ENTPD1: variants seen among roughly 807,000 people sequenced by gnomAD.
ENTPD1 encodes the protein ectonucleoside triphosphate diphosphohydrolase 1.
ENTPD1 carries 33 observed loss-of-function variants against 57.0 expected under a neutral mutation model. The ratio of observed to expected loss-of-function variants is 0.58; its 90% confidence interval spans 0.44 to 0.77. ENTPD1 has a LOEUF of 0.77. Among genes scored for constraint, ENTPD1 ranks in the 30% least tolerant of loss-of-function variants. The pLI is 0.00. For missense variants in ENTPD1, 501 were observed against 603.4 expected, an observed-to-expected ratio of 0.83 and a Z score of 1.78; for synonymous variants, 202 against 218.8, an observed-to-expected ratio of 0.92 and a Z score of 0.68.
intron 1 of ENTPD1, among the ~76,000 whole-genome samples, chr10:95,816,849 G>A (rs953032092): frequency 5.9e-5 from 9 of 152,170 alleles, no homozygotes; most frequent in Non-Finnish European, 1.0e-4. Context: ...ATAGTATTAC[G>A]TGCACCTTAT....
chr10:95,874,586 C>T lies in ENTPD1; in HGVS notation c.*8203C>T, dbSNP rs1003245013. Among the ~76,000 whole-genome samples, 3 of 152,152 alleles carry T rather than the reference C, an allele frequency of 2.0e-5. No individual in the cohort carries two copies. Among genetic ancestry groups the T allele is most frequent in the Admixed American group, 6.5e-5 (1 of 15,270 alleles). ...TGGGGTCTACCATTCTGGGGTCTACCGTTCTGGGACTGTGGCCTTCTTCTC... is the reference window on the plus strand; with the variant it reads ...TGGGGTCTACCATTCTGGGGTCTACTGTTCTGGGACTGTGGCCTTCTTCTC... On this transcript the variant is annotated 3_prime_UTR_variant, in exon 10 of 10. Coordinates refer to ENST00000371205, the MANE Select transcript of ENTPD1 (RefSeq NM_001776.6).
At chr10:95,856,345 A>G (rs1266986221) in intron 7 of ENTPD1, among the ~76,000 whole-genome samples, 1 of 152,210 alleles carries the variant, frequency 6.6e-6, no homozygotes, top group Non-Finnish European at 1.5e-5. Context: ...AAAAAATAAT[A>G]GATGTTGGCA....
At chr10:95,721,181 C>T (rs1486737709) in intron 1 of ENTPD1, among the ~76,000 whole-genome samples, 1 of 152,190 alleles carries the variant, frequency 6.6e-6, no homozygotes, top group East Asian at 1.9e-4. Context: ...GGATTTTCTT[C>T]CTTTCCCTGT....
Position 95,823,257 on chromosome 10 carries a change from T to G in ENTPD1, c.37T>G (p.Cys13Gly), listed in dbSNP as rs2098360406. ...TTTAGAGTCTAACGTGAAGACATTT[T>G]GCTCCAAGAATATCCTAGCCATCCT... is the stretch of plus-strand genomic sequence containing the variant. ...DTKESNVKTF[C>G]SKNILAILGF... The change falls in exon 2 of 10, where the codon TGC (cysteine) becomes GGC (glycine). Residue 13 changes from cysteine to glycine, a missense_variant. Coordinates refer to ENST00000371205, the MANE Select transcript of ENTPD1 (RefSeq NM_001776.6). 1 of 1,614,070 alleles carries G rather than the reference T, an allele frequency of 6.2e-7. No homozygotes were observed. The highest frequency in any genetic ancestry group is 8.5e-7 in the Non-Finnish European group (1 of 1,180,014).
chr10:95,858,774 T>C (rs1409134797), intron 7 of ENTPD1, among the ~76,000 whole-genome samples: 3 of 152,170 alleles, frequency 2.0e-5, no homozygotes, highest in Non-Finnish European at 4.4e-5. Flanking sequence ...CCATTGCTCA[T>C]AGGGGAAATT....
chr10:95,707,201 C>T (rs1008748217), upstream of ENTPD1, among the ~76,000 whole-genome samples: 4 of 152,264 alleles, frequency 2.6e-5, no homozygotes. Context: ...CCCGGGAGGG[C>T]AGATCCTGCC....
chr10:95,862,221 C>G (rs1226119904), intron 8 of ENTPD1, among the ~76,000 whole-genome samples: 1 of 152,136 alleles, frequency 6.6e-6, no homozygotes, highest in Non-Finnish European at 1.5e-5. Flanking sequence ...CAGGGTTAGA[C>G]CCCTGTCTTC....
chr10:95,706,435 T>A, the ENTPD1 span, among the ~76,000 whole-genome samples: 1 of 152,228 alleles, frequency 6.6e-6, no homozygotes, highest in East Asian at 1.9e-4. Context: ...CTGCAGATCC[T>A]CCAGTCAAGT....
chr10:95,870,448 A>ATT lies in ENTPD1; in HGVS notation c.*4073_*4074dup. The ATT allele has an allele frequency of 1.2e-5, 8 of 684,534 alleles. No individual in the cohort carries two copies. Among genetic ancestry groups the ATT allele is most frequent in the Non-Finnish European group, 1.3e-5 (7 of 556,356 alleles). The allele number at this position is 684,534 out of a possible 1,614,324, so 42.4% of individuals were successfully genotyped here. ...CAGGTGTGCACCACCATGTCTAGCTATTTTTTTTTCTGTAGAGACAGGGTT... is the reference window on the plus strand; with the variant it reads ...CAGGTGTGCACCACCATGTCTAGCTATTTTTTTTTTTCTGTAGAGACAGGGTT... On this transcript the variant is annotated 3_prime_UTR_variant, in exon 10 of 10. Coordinates refer to ENST00000371205, the MANE Select transcript of ENTPD1 (RefSeq NM_001776.6).
Position 95,869,353 on chromosome 10 carries a change from A to T in ENTPD1, c.*2970A>T. On this transcript the variant is annotated 3_prime_UTR_variant, in exon 10 of 10. Coordinates refer to ENST00000371205, the MANE Select transcript of ENTPD1 (RefSeq NM_001776.6). ...CAACCTCCGCCTCCTGGGTTCAAGC[A>T]ATTCTCCTGCCTCAGCCTCCCGAGT... The T allele has an allele frequency of 2.5e-6, 2 of 787,764 alleles. No individual in the cohort carries two copies. Among genetic ancestry groups the T allele is most frequent in the Non-Finnish European group, 3.1e-6 (2 of 652,562 alleles). 48.8% of individuals were successfully genotyped at this position (787,764 alleles called of 1,614,324 possible).
chr10:95,787,443 G>T (rs1188761332), intron 1 of ENTPD1, among the ~76,000 whole-genome samples: 1 of 152,124 alleles, frequency 6.6e-6, no homozygotes, highest in Non-Finnish European at 1.5e-5. Flanking sequence ...AGGAAGGAGA[G>T]GGGATGTTAA....
intron 1 of ENTPD1, among the ~76,000 whole-genome samples, chr10:95,744,012 A>ATATATG (rs1172213604): frequency 1.7e-5 from 2 of 120,252 alleles, no homozygotes; most frequent in Non-Finnish European, 3.6e-5. Flanking sequence ...ATATATATAT[A>ATATATG]TATATATATA....
Position 95,756,416 on chromosome 10 carries a change from T to C in ENTPD1, c.16+161T>C, listed in dbSNP as rs2098024557. Reference sequence around the variant, plus strand: ...CTGAGAGGAGGCAGAGAAAGAGCTTTGGGAAACTTTTTAGGAAGCAGAGTC... The same window carrying C: ...CTGAGAGGAGGCAGAGAAAGAGCTTCGGGAAACTTTTTAGGAAGCAGAGTC... On this transcript the variant is annotated intron_variant, in intron 1 of 9. Coordinates refer to ENST00000371205, the MANE Select transcript of ENTPD1 (RefSeq NM_001776.6). The C allele has an allele frequency of 3.5e-6, 3 of 855,680 alleles. No homozygotes were observed. The East Asian group carries it at 8.0e-5, about 23-fold the overall frequency. The allele number at this position is 855,680 out of a possible 1,614,324, so 53.0% of individuals were successfully genotyped here.
chr10:95,788,063 A>G (rs2098187690), intron 1 of ENTPD1, among the ~76,000 whole-genome samples: 1 of 152,222 alleles, frequency 6.6e-6, no homozygotes, highest in Admixed American at 6.5e-5. Context: ...AGAGGAAGAT[A>G]TTAGTGCCTG....
intron 1 of ENTPD1, among the ~76,000 whole-genome samples, chr10:95,810,476 C>T (rs1050088158): frequency 7.0e-5 from 10 of 142,484 alleles, no homozygotes; most frequent in Admixed American, 2.1e-4. Flanking sequence ...CCTCACTTCC[C>T]GGACAGGGCG....
At chr10:95,718,645 CCTT>C (rs765612155) in intron 1 of ENTPD1, among the ~76,000 whole-genome samples, 3 of 152,046 alleles carry the variant, frequency 2.0e-5, no homozygotes, top group Non-Finnish European at 2.9e-5. Context: ...TACCCTTTTT[CCTT>C]CTTCTAATTC....
the ENTPD1 span, among the ~76,000 whole-genome samples, chr10:95,696,453 C>A: frequency 6.6e-6 from 1 of 152,012 alleles, no homozygotes; most frequent in Non-Finnish European, 1.5e-5. Flanking sequence ...CTAATTTTTG[C>A]ATTTGTAGTA....
rs1052930235 is a variant in ENTPD1 at position 95,870,843 on chromosome 10, A to G, written c.*4460A>G. 2 of 985,304 alleles carry G rather than the reference A, an allele frequency of 2.0e-6. No homozygotes were observed. Among genetic ancestry groups the G allele is most frequent in the African/African-American group, 3.5e-5 (2 of 57,222 alleles). The allele number at this position is 985,304 out of a possible 1,614,324, so 61.0% of individuals were successfully genotyped here. A position where few individuals can be genotyped will look rare whatever the true frequency, so the allele number is the denominator to read the frequency against. On this transcript the variant is annotated 3_prime_UTR_variant, in exon 10 of 10. Transcript: ENST00000371205. ...GTCCTTTACTTTTTATAACAGCCTC[A>G]AAGTTTCATGAATTGCTGCAGTAAA...
rs2098477337 is a variant in ENTPD1, at chr10:95,868,972, T to C, written c.*2589T>C. On this transcript the variant is annotated 3_prime_UTR_variant, in exon 10 of 10. Transcript: ENST00000371205. ...AACCCCAATTATTTTGGCAGGAAGG[T>C]TGGTTTAGAGGCAGATCCAGCAATC... is the stretch of plus-strand genomic sequence containing the variant. 1.0e-6 allele frequency: 1 copy of C among 985,156 alleles called. No homozygotes were observed. Among genetic ancestry groups the C allele is most frequent in the African/African-American group, 1.7e-5 (1 of 57,198 alleles). The allele number at this position is 985,156 out of a possible 1,614,324, so 61.0% of individuals were successfully genotyped here. A position where few individuals can be genotyped will look rare whatever the true frequency, so the allele number is the denominator to read the frequency against.
Sources: gnomAD v4.1 joint callset for allele counts (sites outside exome capture counted in the v4.1 genomes callset) on GRCh38, gnomAD v4.1.1 for gene constraint, MANE v1.5 for transcripts, NCBI Gene and HGNC (gene_info 2026-07-23, HGNC 2026-07-21) for gene names.